Variants in NGEF observed in about 807,000 individuals in gnomAD.
NGEF encodes neuronal guanine nucleotide exchange factor.
A neutral mutation model predicts 80.9 loss-of-function variants in NGEF; 31 were observed. The observed-to-expected ratio is 0.38, with a 90% CI of 0.29 to 0.52. The LOEUF (loss-of-function observed/expected upper bound fraction) is 0.52. Ranked by LOEUF, NGEF falls within the 20% of genes least tolerant of loss-of-function variation. The pLI is 0.84. For synonymous variants in NGEF, 371 were observed against 370.2 expected (o/e 1.00, Z -0.03); for missense variants, 709 against 926.2 (o/e 0.77, Z 3.04).
chr2:232,906,526 GGTCAGCCCCCCGCCC>G (rs368290169), intron 5 of NGEF, among the ~76,000 whole-genome samples: 24 of 3,730 alleles, frequency 6.4e-3, no homozygotes, highest in Non-Finnish European at 0.014. Context: ...GAGGTGGGGG[GGTCAGCCCCCCGCCC>G]GGTCAGCCGC....
rs10686172 is a variant in NGEF at position 232,967,706 on chromosome 2, G to GGTGTGT, written c.383+2502_383+2507dup. Among the ~76,000 whole-genome samples, 1,207 of 148,422 alleles carry GGTGTGT rather than the reference G, an allele frequency of 8.1e-3. 11 individuals are homozygous for GGTGTGT. Among genetic ancestry groups the GGTGTGT allele is most frequent in the East Asian group, 0.026 (129 of 4,966 alleles). ...TCTAATTACATGCAAATAAAATAGG[G>GGTGTGT]GTGTGTGTGTGTGTGTGTGTGTGTG... On this transcript the variant is annotated intron_variant, in intron 3 of 14. Transcript: ENST00000264051.
intron 4 of NGEF, among the ~76,000 whole-genome samples, chr2:232,922,038 G>C (rs189498603): frequency 2.0e-5 from 3 of 152,188 alleles, no homozygotes; most frequent in African/African-American, 7.2e-5. Flanking sequence ...CCCAGGTGGA[G>C]GCCTCATGAG....
chr2:233,010,764 T>C (rs1695185906), intron 1 of NGEF, among the ~76,000 whole-genome samples: 1 of 152,150 alleles, frequency 6.6e-6, no homozygotes, highest in Non-Finnish European at 1.5e-5. Context: ...GGCCCTGGCC[T>C]CCAGGATGGC....
intron 3 of NGEF, among the ~76,000 whole-genome samples, chr2:232,955,600 C>A (rs1044132100): frequency 6.6e-6 from 1 of 152,154 alleles, no homozygotes; most frequent in Admixed American, 6.6e-5. Context: ...CTCACCGCAG[C>A]CTCCACCTTC....
At position 232,920,503 on chromosome 2, in the gene NGEF, G is replaced by T; in HGVS notation, c.609C>A (p.Asp203Glu). The change falls in exon 5 of 15, where the codon GAC becomes GAA. Residue 203 changes from aspartate to glutamate, a missense_variant. Coordinates refer to ENST00000264051, the MANE Select transcript of NGEF (RefSeq NM_019850.3). ...TRRQQDAEIE[D>E]NTNGSPASED... The stretch of plus-strand genomic sequence containing the variant: ...CACTGGCCGGGGACCCATTGGTATT[G>T]TCTTCTATTTCTGCATCCTGTTGCC... 6.2e-7 allele frequency: 1 copy of T among 1,600,558 alleles called. No individual in the cohort carries two copies. The highest frequency in any genetic ancestry group is 8.5e-7 in the Non-Finnish European group (1 of 1,171,674).
chr2:232,948,370 A>T (rs1389032866), intron 3 of NGEF, among the ~76,000 whole-genome samples: 15 of 152,088 alleles, frequency 9.9e-5, no homozygotes, highest in Admixed American at 9.8e-4. Flanking sequence ...TGGATATTAA[A>T]TATAGAATGA....
intron 2 of NGEF, 128 bp downstream of exon 2, chr2:232,974,495 C>T (rs1280303050): frequency 1.8e-6 from 2 of 1,096,100 alleles, no homozygotes; most frequent in Admixed American, 2.3e-5. Context: ...AAATGCACTA[C>T]CCTGTTGAAA....
intron 1 of NGEF, among the ~76,000 whole-genome samples, chr2:233,002,334 G>A (rs1694996649): frequency 1.3e-5 from 2 of 152,154 alleles, no homozygotes. Flanking sequence ...TAATTTAAAG[G>A]CAATCTGTAG....
intron 3 of NGEF, among the ~76,000 whole-genome samples, chr2:232,939,550 C>T (rs1356687786): frequency 6.6e-6 from 1 of 152,132 alleles, no homozygotes; most frequent in Non-Finnish European, 1.5e-5. Flanking sequence ...TTGAAAATTA[C>T]AAATAACTGG....
intron 1 of NGEF, among the ~76,000 whole-genome samples, chr2:232,987,589 T>A (rs905254568): frequency 1.3e-5 from 2 of 152,084 alleles, no homozygotes; most frequent in African/African-American, 4.8e-5. Context: ...TGGAAGCTCA[T>A]AGGGCTGTGG....
intron 6 of NGEF, among the ~76,000 whole-genome samples, chr2:232,893,384 G>A (rs1211311788): frequency 1.3e-5 from 2 of 152,222 alleles, no homozygotes; most frequent in East Asian, 3.8e-4. Context: ...TGGCCCCTGG[G>A]CTGACCACTG....
chr2:232,942,943 C>G (rs1444289125), intron 3 of NGEF, among the ~76,000 whole-genome samples: 1 of 148,502 alleles, frequency 6.7e-6, no homozygotes, highest in African/African-American at 2.5e-5. Flanking sequence ...GTTCATCCCT[C>G]CCCCGAACTG....
At chr2:232,901,391 G>T (rs771768337) in intron 5 of NGEF, 3 of 985,472 alleles carry the variant, frequency 3.0e-6, no homozygotes, top group Non-Finnish European at 3.6e-6. Context: ...TCCAGGGTTC[G>T]CCGTGGACCT....
At chr2:232,953,022 G>A (rs571533391) in intron 3 of NGEF, among the ~76,000 whole-genome samples, 266 of 140,720 alleles carry the variant, frequency 1.9e-3, no homozygotes, top group African/African-American at 6.7e-3. Flanking sequence ...AAGTGATTGG[G>A]GCCAGGCGCA....
At position 232,894,715 on chromosome 2, in the gene NGEF, A is replaced by C. The variant is rs73995714; in HGVS notation, c.989+41T>G. On this transcript the variant is annotated intron_variant, in intron 6 of 14. Transcript: ENST00000264051. Reference sequence around the variant, plus strand: ...TCTCAAGCATGTGCCCTGGGGATGAAGAAGGGCCCTGAGGGAGGTGGCTGT... The same window carrying C: ...TCTCAAGCATGTGCCCTGGGGATGACGAAGGGCCCTGAGGGAGGTGGCTGT... 646 of 1,498,722 alleles carry C rather than the reference A, an allele frequency of 4.3e-4. 4 individuals are homozygous for C. The African/African-American group carries it at 8.2e-3, about 19-fold the overall frequency. The allele number at this position is 1,498,722 out of a possible 1,614,324, so 92.8% of individuals were successfully genotyped here. A position where few individuals can be genotyped will look rare whatever the true frequency, so the allele number is the denominator to read the frequency against.
At chr2:232,996,627 A>G (rs1233866795) in intron 1 of NGEF, among the ~76,000 whole-genome samples, 1 of 152,142 alleles carries the variant, frequency 6.6e-6, no homozygotes, top group Non-Finnish European at 1.5e-5. Context: ...GTTTCACACA[A>G]AAAGACAGCC....
intron 5 of NGEF, among the ~76,000 whole-genome samples, chr2:232,896,089 G>A (rs1692049538): frequency 6.6e-6 from 1 of 152,094 alleles, no homozygotes; most frequent in South Asian, 2.1e-4. Flanking sequence ...CGCTTCCCAG[G>A]AGGGACAGCA....
chr2:232,969,519 T>C (rs1007354954), intron 3 of NGEF, among the ~76,000 whole-genome samples: 3 of 133,468 alleles, frequency 2.2e-5, no homozygotes, highest in African/African-American at 8.5e-5. Flanking sequence ...CCTGCTTCCT[T>C]CATTTTTTTG....
At chr2:233,009,637 G>GAAA (rs113963502) in intron 1 of NGEF, among the ~76,000 whole-genome samples, 1 of 144,418 alleles carries the variant, frequency 6.9e-6, no homozygotes, top group Non-Finnish European at 1.5e-5. Context: ...CATCTCTACA[G>GAAA]AAAAAAAAAA....
Sources: gnomAD v4.1 joint callset for allele counts (sites outside exome capture counted in the v4.1 genomes callset) on GRCh38, gnomAD v4.1.1 for gene constraint, MANE v1.5 for transcripts, NCBI Gene and HGNC (gene_info 2026-07-23, HGNC 2026-07-21) for gene names.